The following FOLH1 variants were observed in gnomAD, a reference collection of about 807,000 sequenced individuals.
The protein encoded by FOLH1 is glutamate carboxypeptidase 2.
In FOLH1, 54 loss-of-function variants were observed where a neutral mutation model predicts 93.9. The observed-to-expected ratio is 0.57, with a 90% CI of 0.46 to 0.72. The LOEUF (loss-of-function observed/expected upper bound fraction) is 0.72. FOLH1 is among the 30% of genes least tolerant of loss of function. The pLI is 0.00. For synonymous variants in FOLH1, 249 were observed against 303.6 expected (o/e 0.82, Z 1.87); for missense variants, 571 against 892.5 (o/e 0.64, Z 4.59).
intron 10 of FOLH1, among the ~76,000 whole-genome samples, chr11:49,171,858 A>G (rs1007426799): frequency 6.6e-6 from 1 of 152,118 alleles, no homozygotes; most frequent in Non-Finnish European, 1.5e-5. Context: ...AGTTAAGGCA[A>G]GATCTTGTTT....
At chr11:49,160,580 C>A (rs1365249820) in intron 13 of FOLH1, among the ~76,000 whole-genome samples, 1 of 151,840 alleles carries the variant, frequency 6.6e-6, no homozygotes, top group East Asian at 1.9e-4. Context: ...ATAGCTGGGA[C>A]TACAGGCACC....
chr11:49,170,018 G>C (rs991510488), intron 11 of FOLH1, among the ~76,000 whole-genome samples: 2 of 151,854 alleles, frequency 1.3e-5, no homozygotes, highest in African/African-American at 4.8e-5. Flanking sequence ...CTTTGACTAA[G>C]TCTACAGGAG....
chr11:49,146,810 A>G lies in FOLH1; in HGVS notation c.2199T>C (p.Tyr733=), dbSNP rs752660381. 6.2e-7 allele frequency: 1 copy of G among 1,613,478 alleles called. No individual in the cohort carries two copies. The highest frequency in any genetic ancestry group is 2.2e-5 in the East Asian group (1 of 44,864). ...KAWGEVKRQI[Y]VAAFTVQAAA... is the part of the protein sequence containing the mutation. ...CTGCCTGCACTGTGAAGGCTGCAAC[A>G]TAAATCTGTCTCTTCACTTCTCCCC... Residue 733 remains tyrosine (Y), a synonymous_variant, in exon 19 of 19, where the codon TAT becomes TAC. Coordinates refer to ENST00000256999, the MANE Select transcript of FOLH1 (RefSeq NM_004476.3).
At chr11:49,178,438 A>T (rs1051192537) in intron 7 of FOLH1, among the ~76,000 whole-genome samples, 1 of 152,236 alleles carries the variant, frequency 6.6e-6, no homozygotes, top group African/African-American at 2.4e-5. Context: ...TTAATAGTCC[A>T]TATTTCCATA....
In FOLH1 at chr11:49,162,617, G is replaced by A. The variant is rs554826300; in HGVS notation, c.1440+2088C>T. Among the ~76,000 whole-genome samples the A allele has an allele frequency of 7.9e-5, 12 of 152,104 alleles. No homozygotes were observed. In the East Asian group the frequency reaches 1.2e-3, roughly 15 times the overall value. ...ATTTCAGGCATCTCAGCCTCAACCC[G>A]GTTCCGAAACCTTGCTGGAGAAGTG... On this transcript the variant is annotated intron_variant, in intron 13 of 18. Coordinates refer to ENST00000256999, the MANE Select transcript of FOLH1 (RefSeq NM_004476.3).
At chr11:49,174,870 G>C (rs1258584341) in intron 9 of FOLH1, 22 bp downstream of exon 9, 1 of 1,572,942 alleles carries the variant, frequency 6.4e-7, no homozygotes, top group African/African-American at 1.4e-5. Flanking sequence ...ATCAATATTT[G>C]CTAAGCAAAC....
chr11:49,206,056 G>T lies in FOLH1; in HGVS notation c.224+11C>A. On this transcript the variant is annotated intron_variant, in intron 2 of 18. Transcript: ENST00000256999. ...CAACTTGTCCATATAAACTTTCGAG[G>T]ATGTACTTACTATAAGAACTTCTTG... 6.2e-7 allele frequency: 1 copy of T among 1,605,046 alleles called. No individual in the cohort carries two copies. The highest frequency in any genetic ancestry group is 8.5e-7 in the Non-Finnish European group (1 of 1,175,882).
Position 49,172,997 on chromosome 11 carries a change from C to T in FOLH1, c.1225+360G>A, listed in dbSNP as rs572183908. Among the ~76,000 whole-genome samples the T allele has an allele frequency of 9.9e-5, 15 of 152,230 alleles. No individual in the cohort carries two copies. The East Asian group carries it at 2.3e-3, about 24-fold the overall frequency. Reference sequence around the variant, plus strand: ...ATCTGAGGTCTGGGGTTAGAAGAGACGGAGGAACGTCTGCTTACAGTCTCT... The same window carrying T: ...ATCTGAGGTCTGGGGTTAGAAGAGATGGAGGAACGTCTGCTTACAGTCTCT... On this transcript the variant is annotated intron_variant, in intron 10 of 18. Coordinates refer to ENST00000256999, the MANE Select transcript of FOLH1 (RefSeq NM_004476.3).
At chr11:49,191,260 C>G (rs1202820947) in intron 4 of FOLH1, among the ~76,000 whole-genome samples, 2 of 152,192 alleles carry the variant, frequency 1.3e-5, no homozygotes, top group Admixed American at 6.5e-5. Context: ...GATCCGCCCC[C>G]CTCGGCCTCC....
chr11:49,146,729 T>G lies in FOLH1; in HGVS notation c.*27A>C, dbSNP rs768974420. On this transcript the variant is annotated 3_prime_UTR_variant, in exon 19 of 19. Transcript: ENST00000256999. ...TTTCTGAGTGACATACCACACAAAT[T>G]CAATACGGATTCTCTAAAGAATCCT... The G allele has an allele frequency of 8.9e-6, 14 of 1,578,308 alleles. No homozygotes were observed. The highest frequency in any genetic ancestry group is 1.1e-5 in the Non-Finnish European group (13 of 1,162,478).
intron 13 of FOLH1, among the ~76,000 whole-genome samples, chr11:49,161,582 C>A (rs769534177): frequency 2.0e-4 from 31 of 152,286 alleles, no homozygotes; most frequent in Middle Eastern, 3.4e-3. Context: ...CTTTATCCAG[C>A]TTGCCACTCT....
At chr11:49,158,943 T>TAGGG (rs1459924390) in intron 13 of FOLH1, among the ~76,000 whole-genome samples, 3 of 152,152 alleles carry the variant, frequency 2.0e-5, no homozygotes, top group Non-Finnish European at 4.4e-5. Flanking sequence ...TGTCTGTTGT[T>TAGGG]AGTGTATAGG....
intron 3 of FOLH1, among the ~76,000 whole-genome samples, chr11:49,198,211 C>T (rs371386121): frequency 6.6e-6 from 1 of 151,664 alleles, no homozygotes; most frequent in Non-Finnish European, 1.5e-5. Context: ...AGCAAGACCC[C>T]ATCTTAAAAA....
chr11:49,148,451 T>G (rs1856026175), intron 18 of FOLH1, among the ~76,000 whole-genome samples, 188 bp downstream of exon 18: 1 of 151,588 alleles, frequency 6.6e-6, no homozygotes, highest in Non-Finnish European at 1.5e-5. Flanking sequence ...ATACTCAAAA[T>G]AAAGATATGC....
rs2135178850 is a variant in FOLH1, at chr11:49,183,251, A to C, written c.827-9T>G. On this transcript the variant is annotated splice_polypyrimidine_tract_variant and intron_variant, in intron 6 of 18. Transcript: ENST00000256999. ...ACGCCTATAAGCATATTCTGAAAAA[A>C]AAAATTGCCATATTTCCAGTAAAAA... The C allele has an allele frequency of 6.2e-7, 1 of 1,601,642 alleles. No individual in the cohort carries two copies.
chr11:49,208,133 C>T (rs1293720970), intron 1 of FOLH1, 159 bp downstream of exon 1: 2 of 626,004 alleles, frequency 3.2e-6, no homozygotes, highest in Admixed American at 2.9e-5. Flanking sequence ...CTACCCTCCT[C>T]CTAACTCGAG....
chr11:49,161,170 C>T (rs1857656832), intron 13 of FOLH1, among the ~76,000 whole-genome samples: 1 of 152,042 alleles, frequency 6.6e-6, no homozygotes, highest in Non-Finnish European at 1.5e-5. Context: ...CAGTTTAGGC[C>T]ATGAATATCT....
At chr11:49,183,415 G>A (rs566462922) in intron 6 of FOLH1, among the ~76,000 whole-genome samples, 173 bp from the exon 7 acceptor site, 4 of 152,196 alleles carry the variant, frequency 2.6e-5, no homozygotes, top group African/African-American at 9.6e-5. Flanking sequence ...CTCATACATT[G>A]CTTGTGATAA....
chr11:49,156,565 C>T (rs1248229846), intron 15 of FOLH1, 152 bp downstream of exon 15: 62 of 958,990 alleles, frequency 6.5e-5, no homozygotes, highest in Middle Eastern at 6.1e-4. Context: ...AGTTATCCTA[C>T]GTAGTAGTGA....
Sources: allele counts gnomAD v4.1 joint callset (sites outside exome capture counted in the v4.1 genomes callset), GRCh38; gene constraint gnomAD v4.1.1; transcripts MANE v1.5; gene names NCBI Gene and HGNC (gene_info 2026-07-23, HGNC 2026-07-21).